Variants in IQCJ observed in about 807,000 individuals in gnomAD.
IQCJ encodes the protein IQ motif containing J.
A neutral mutation model predicts 11.0 loss-of-function variants in IQCJ; 9 were observed. That is an observed-to-expected ratio of 0.82 (90% CI 0.49 to 1.43). The LOEUF is 1.43. IQCJ is among the 40% of genes most tolerant of loss of function. IQCJ has a pLI of 0.00. For synonymous variants in IQCJ, 55 were observed against 51.3 expected (o/e 1.07, Z -0.31); for missense variants, 146 against 133.2 (o/e 1.10, Z -0.47).
intron 1 of IQCJ, among the ~76,000 whole-genome samples, chr3:159,129,969 C>G (rs977748566): frequency 8.5e-5 from 13 of 152,060 alleles, no homozygotes; most frequent in Non-Finnish European, 1.8e-4. Context: ...GTATTTGGCT[C>G]TATGCAATTT....
At position 159,094,422 on chromosome 3, in the gene IQCJ, C is replaced by CTTT. The variant is rs71302258; in HGVS notation, c.9+25005_9+25007dup. 6.6e-4 allele frequency among the ~76,000 whole-genome samples: 47 copies of CTTT among 71,728 alleles called. 2 individuals are homozygous for CTTT. The highest frequency in any genetic ancestry group is 2.3e-3 in the African/African-American group (38 of 16,560). The allele number at this position is 71,728 out of a possible 152,430, so 47.1% of individuals were successfully genotyped here. On this transcript the variant is annotated intron_variant, in intron 1 of 3. Transcript: ENST00000397832. ...TCTGCAGTTTTTTGTACAGGATCTG[C>CTTT]TTTTTTTTTTTTTTTTTTTTTTTTT... is the stretch of plus-strand genomic sequence containing the variant.
At position 159,152,229 on chromosome 3, in the gene IQCJ, C is replaced by T. The variant is rs376954676; in HGVS notation, c.9+82788C>T. ...GAAGAACTGTTCCTGAGAGCTGTTC[C>T]GTAACGTAATGATGGCTGTGAAATC... On this transcript the variant is annotated intron_variant, in intron 1 of 3. Coordinates refer to ENST00000397832, the MANE Select transcript of IQCJ (RefSeq NM_001042706.3). Among the ~76,000 whole-genome samples the T allele has an allele frequency of 5.8e-4, 88 of 152,212 alleles. 1 individual carries two copies. Among genetic ancestry groups the T allele is most frequent in the Non-Finnish European group, 9.1e-4 (62 of 68,028 alleles).
chr3:159,236,439 C>CA (rs767229933), intron 1 of IQCJ, among the ~76,000 whole-genome samples: 15 of 152,152 alleles, frequency 9.9e-5, no homozygotes, highest in Non-Finnish European at 2.1e-4. Flanking sequence ...TTGTAAAGCA[C>CA]ATTTACATTA....
downstream of IQCJ, among the ~76,000 whole-genome samples, chr3:159,264,309 C>T (rs896116091): frequency 8.5e-5 from 13 of 152,172 alleles, no homozygotes; most frequent in African/African-American, 2.7e-4. Context: ...TGTACTGCTT[C>T]GATTCTAGCA....
At chr3:159,166,274 C>T (rs528137996) in intron 1 of IQCJ, among the ~76,000 whole-genome samples, 2 of 152,284 alleles carry the variant, frequency 1.3e-5, no homozygotes, top group Middle Eastern at 3.4e-3. Flanking sequence ...CTGTTTCCTG[C>T]TCTTTTGTAA....
chr3:159,199,801 C>T (rs1032740948), intron 1 of IQCJ, among the ~76,000 whole-genome samples: 4 of 151,928 alleles, frequency 2.6e-5, no homozygotes, highest in African/African-American at 9.7e-5. Flanking sequence ...ATCTCAGTAT[C>T]TTCAAAGTAG....
chr3:159,112,434 C>CT (rs1195836831), intron 1 of IQCJ, among the ~76,000 whole-genome samples: 1 of 152,148 alleles, frequency 6.6e-6, no homozygotes, highest in African/African-American at 2.4e-5. Context: ...AAGTTGTAGT[C>CT]TTTTTATTTT....
chr3:159,197,083 TCTA>T (rs1724032392), intron 1 of IQCJ, among the ~76,000 whole-genome samples: 2 of 152,246 alleles, frequency 1.3e-5, no homozygotes, highest in Admixed American at 6.5e-5. Flanking sequence ...CCTGAATTCT[TCTA>T]CTTCCTTTGC....
chr3:159,250,098 G>A (rs959316140), intron 2 of IQCJ, among the ~76,000 whole-genome samples: 1 of 152,206 alleles, frequency 6.6e-6, no homozygotes, highest in African/African-American at 2.4e-5. Flanking sequence ...TGGGTTTCTG[G>A]TAAGAGATGT....
intron 1 of IQCJ, among the ~76,000 whole-genome samples, chr3:159,193,834 T>C (rs1208805571): frequency 6.6e-6 from 1 of 152,182 alleles, no homozygotes; most frequent in Non-Finnish European, 1.5e-5. Context: ...TAAGACTTAG[T>C]ACAAGGGACC....
intron 1 of IQCJ, among the ~76,000 whole-genome samples, chr3:159,134,610 TC>T (rs1274010996): frequency 6.6e-6 from 1 of 152,204 alleles, no homozygotes; most frequent in African/African-American, 2.4e-5. Flanking sequence ...ACCTTTTCTG[TC>T]CTCCTGGGAC....
intron 2 of IQCJ, among the ~76,000 whole-genome samples, chr3:159,246,949 C>A (rs541908882): frequency 7.2e-5 from 11 of 152,120 alleles, no homozygotes; most frequent in Non-Finnish European, 1.3e-4. Context: ...ACAGAATGAA[C>A]TTTGTTAAGA....
At chr3:159,252,876 T>C in intron 3 of IQCJ, 69 bp downstream of exon 3, 3 of 1,480,106 alleles carry the variant, frequency 2.0e-6, no homozygotes, top group Non-Finnish European at 2.8e-6. Context: ...AAATCTGGAA[T>C]TTTCGGGCAC....
At chr3:159,156,599 G>C (rs866657698) in intron 1 of IQCJ, among the ~76,000 whole-genome samples, 3 of 152,298 alleles carry the variant, frequency 2.0e-5, no homozygotes, top group African/African-American at 7.2e-5. Context: ...TAAGCAGATT[G>C]AACCTGATGG....
chr3:159,208,958 C>A (rs1464843645), intron 1 of IQCJ, among the ~76,000 whole-genome samples: 1 of 152,142 alleles, frequency 6.6e-6, no homozygotes, highest in Non-Finnish European at 1.5e-5. Context: ...ACACCTGGAG[C>A]TGATAAGTAA....
At position 159,186,976 on chromosome 3, in the gene IQCJ, T is replaced by C. The variant is rs115694216; in HGVS notation, c.10-58867T>C. ...CAGGTGATGAGTTTTGAGAACTTTA[T>C]TGAGCTCCCCATTAAAATGTTGGCA... On this transcript the variant is annotated intron_variant, in intron 1 of 3. Transcript: ENST00000397832. Among the ~76,000 whole-genome samples the C allele has an allele frequency of 1.0e-3, 152 of 152,340 alleles. 1 individual carries two copies. Among genetic ancestry groups the C allele is most frequent in the African/African-American group, 3.5e-3 (145 of 41,582 alleles).
chr3:159,190,233 C>G (rs1438812282), intron 1 of IQCJ, among the ~76,000 whole-genome samples: 1 of 152,210 alleles, frequency 6.6e-6, no homozygotes, highest in African/African-American at 2.4e-5. Flanking sequence ...TTTGTGCCAT[C>G]ATTTGATCCT....
At chr3:159,236,589 G>C (rs963136706) in intron 1 of IQCJ, among the ~76,000 whole-genome samples, 1 of 152,194 alleles carries the variant, frequency 6.6e-6, no homozygotes, top group African/African-American at 2.4e-5. Flanking sequence ...TCTTAAGGCT[G>C]TGGATCAGAA....
At chr3:159,227,166 T>G (rs1483145269) in intron 1 of IQCJ, among the ~76,000 whole-genome samples, 1 of 152,200 alleles carries the variant, frequency 6.6e-6, no homozygotes. Flanking sequence ...TAGACAATTT[T>G]GATAGCAACG....
Sources: gnomAD v4.1 joint callset for allele counts (sites outside exome capture counted in the v4.1 genomes callset) on GRCh38, gnomAD v4.1.1 for gene constraint, MANE v1.5 for transcripts, NCBI Gene and HGNC (gene_info 2026-07-23, HGNC 2026-07-21) for gene names.